Variants in CSMD1 observed in about 807,000 individuals in gnomAD.
CSMD1 encodes the protein CUB and sushi domain-containing protein 1.
In CSMD1, 213 loss-of-function variants were observed where a neutral mutation model predicts 417.5. That is an observed-to-expected ratio of 0.51 (90% CI 0.46 to 0.57). The LOEUF is 0.57. CSMD1 is among the 20% of genes least tolerant of loss of function. The probability of loss-of-function intolerance (pLI) is 0.00; values close to 1 mark genes in which losing one functional copy is unlikely to be tolerated. For missense variants in CSMD1, 6,923 were observed against 4,529.7 expected, an observed-to-expected ratio of 1.53 and a Z score of -15.17; for synonymous variants, 2,862 against 1,736.8, an observed-to-expected ratio of 1.65 and a Z score of -16.11.
intron 10 of CSMD1, among the ~76,000 whole-genome samples, chr8:3,494,181 CT>C (rs1461275177): frequency 6.6e-6 from 1 of 151,954 alleles, no homozygotes; most frequent in Non-Finnish European, 1.5e-5. Flanking sequence ...CCCCAAAAGA[CT>C]TTATGAGGAT....
At chr8:4,725,218 T>C (rs1224799425) in intron 1 of CSMD1, among the ~76,000 whole-genome samples, 1 of 152,182 alleles carries the variant, frequency 6.6e-6, no homozygotes, top group Admixed American at 6.6e-5. Flanking sequence ...ATTTAAGTCT[T>C]ATTGCAAGCT....
chr8:4,405,159 C>G (rs955097584), intron 3 of CSMD1, among the ~76,000 whole-genome samples: 1 of 152,162 alleles, frequency 6.6e-6, no homozygotes, highest in Non-Finnish European at 1.5e-5. Flanking sequence ...CTCTTACTTC[C>G]TGGAATCCAC....
At chr8:3,952,619 T>G (rs1416244230) in intron 5 of CSMD1, among the ~76,000 whole-genome samples, 1 of 152,142 alleles carries the variant, frequency 6.6e-6, no homozygotes, top group African/African-American at 2.4e-5. Flanking sequence ...TGGAAGAAAT[T>G]CCTTAATGGG....
intron 7 of CSMD1, among the ~76,000 whole-genome samples, chr8:3,634,139 C>T (rs902735590): frequency 2.0e-5 from 3 of 152,162 alleles, no homozygotes; most frequent in African/African-American, 7.2e-5. Flanking sequence ...TGGGAAGTAG[C>T]CTCTAAACCC....
intron 10 of CSMD1, among the ~76,000 whole-genome samples, chr8:3,553,121 G>GC (rs1798989123): frequency 8.8e-6 from 1 of 113,380 alleles, no homozygotes; most frequent in East Asian, 2.9e-4. Context: ...TTGTGGACAA[G>GC]GAGAAAAAAA....
At chr8:4,931,611 G>A (rs1225983756) in intron 1 of CSMD1, among the ~76,000 whole-genome samples, 1 of 152,204 alleles carries the variant, frequency 6.6e-6, no homozygotes, top group East Asian at 1.9e-4. Context: ...TAAACTAGCT[G>A]TGTCCTGCAA....
At chr8:3,678,891 T>C (rs930765500) in intron 7 of CSMD1, among the ~76,000 whole-genome samples, 8 of 152,152 alleles carry the variant, frequency 5.3e-5, no homozygotes, top group African/African-American at 1.9e-4. Flanking sequence ...TTCAACATTC[T>C]TAAAGAAAAC....
intron 1 of CSMD1, among the ~76,000 whole-genome samples, chr8:4,799,985 CAT>C (rs34659754): frequency 0.06 from 9,114 of 152,060 alleles, 445 homozygotes; most frequent in East Asian, 0.23. Flanking sequence ...TTTTTTCTAA[CAT>C]AAGAAAAGTT....
intron 10 of CSMD1, among the ~76,000 whole-genome samples, chr8:3,497,596 A>G (rs1796420316): frequency 6.6e-6 from 1 of 152,142 alleles, no homozygotes; most frequent in Non-Finnish European, 1.5e-5. Context: ...AGTCCATGTT[A>G]TCTGATAAAA....
intron 6 of CSMD1, among the ~76,000 whole-genome samples, chr8:3,730,602 T>A (rs968400186): frequency 8.5e-5 from 13 of 152,118 alleles, no homozygotes; most frequent in African/African-American, 3.1e-4. Context: ...AGTGCCTACA[T>A]GTGCACCTCT....
chr8:3,926,240 G>T (rs2449817), intron 5 of CSMD1, among the ~76,000 whole-genome samples: 84,597 of 152,012 alleles, frequency 0.56, 24,023 homozygotes, highest in East Asian at 0.69. Context: ...TCTTTTATGT[G>T]TTAATGGTAA....
intron 10 of CSMD1, among the ~76,000 whole-genome samples, chr8:3,519,463 C>T (rs1797412569): frequency 6.6e-6 from 1 of 152,138 alleles, no homozygotes; most frequent in Admixed American, 6.6e-5. Context: ...TGAGAGGAAA[C>T]ACAGGCTCAC....
intron 2 of CSMD1, among the ~76,000 whole-genome samples, chr8:4,533,196 G>A (rs182844738): frequency 2.6e-4 from 39 of 152,266 alleles, no homozygotes; most frequent in South Asian, 1.0e-3. Flanking sequence ...ATTTGTCATC[G>A]TAGTACTACA....
chr8:3,575,151 A>G, intron 9 of CSMD1, 85 bp from the exon 10 acceptor site: 1 of 1,302,570 alleles, frequency 7.7e-7, no homozygotes, highest in Non-Finnish European at 1.0e-6. Context: ...ATTTCAAGTT[A>G]GCTATTATCT....
At chr8:2,961,111 A>G (rs761515596) in intron 62 of CSMD1, 30 bp downstream of exon 62, 1 of 1,412,010 alleles carries the variant, frequency 7.1e-7, no homozygotes, top group South Asian at 1.4e-5. Flanking sequence ...ATTTCCAGAA[A>G]GAAAACATAG....
At chr8:4,029,783 A>G (rs1797247443) in intron 4 of CSMD1, among the ~76,000 whole-genome samples, 1 of 152,156 alleles carries the variant, frequency 6.6e-6, no homozygotes, top group African/African-American at 2.4e-5. Context: ...CTGAGACAAA[A>G]CAAGTATCTT....
chr8:3,605,005 G>A (rs867695150), intron 8 of CSMD1, among the ~76,000 whole-genome samples: 1 of 152,088 alleles, frequency 6.6e-6, no homozygotes, highest in African/African-American at 2.4e-5. Context: ...TTAAAAGAAA[G>A]CAGTTCTTTT....
At chr8:3,593,223 T>A (rs545009522) in intron 8 of CSMD1, among the ~76,000 whole-genome samples, 1 of 152,138 alleles carries the variant, frequency 6.6e-6, no homozygotes, top group Non-Finnish European at 1.5e-5. Flanking sequence ...CCAAGCTGGG[T>A]GAGGAGACAG....
chr8:3,030,606 T>A (rs1484191), intron 50 of CSMD1, among the ~76,000 whole-genome samples: 82,457 of 151,618 alleles, frequency 0.54, 22,838 homozygotes, highest in Non-Finnish European at 0.56. Flanking sequence ...CCTCCCAAGT[T>A]GCTGGGACTA....
Sources: gnomAD v4.1 joint callset for allele counts (sites outside exome capture counted in the v4.1 genomes callset) on GRCh38, gnomAD v4.1.1 for gene constraint, MANE v1.5 for transcripts, NCBI Gene and HGNC (gene_info 2026-07-23, HGNC 2026-07-21) for gene names.